SH3PXD2A: variants seen among roughly 807,000 people sequenced by gnomAD.
The protein encoded by SH3PXD2A is SH3 and PX domain-containing protein 2A.
In SH3PXD2A, 32 loss-of-function variants were observed where a neutral mutation model predicts 115.2. That is an observed-to-expected ratio of 0.28 (90% CI 0.21 to 0.37). SH3PXD2A has a LOEUF of 0.37. SH3PXD2A is among the 10% of genes least tolerant of loss of function. The pLI is 1.00. For synonymous variants in SH3PXD2A, 610 were observed against 629.1 expected (o/e 0.97, Z 0.45); for missense variants, 1,328 against 1,498.7 (o/e 0.89, Z 1.88).
chr10:103,602,891 C>G lies in SH3PXD2A; in HGVS notation c.2327G>C (p.Ser776Thr). Residue 776 changes from serine to threonine, a missense_variant, in exon 15 of 15, where the codon AGC (serine) becomes ACC (threonine). By Grantham distance (58) the Ser-to-Thr change is moderately conservative (BLOSUM62 1). This residue lies in a region of SH3PXD2A where 574 missense variants were observed against 565.7 expected (regional missense o/e 1.01). Transcript: ENST00000369774. ...GGGTCTCAGCTGGCGCCGTAAAGTG[C>G]TGATGTCCATCTTCTCTTGGCTCTG... ...ESQSQEKMDISTLRRQLRPTG... is the reference protein window; with the variant it reads ...ESQSQEKMDITTLRRQLRPTG... 6.2e-7 allele frequency: 1 copy of G among 1,614,044 alleles called. No individual in the cohort carries two copies.
At chr10:103,636,833 G>A (rs1564850556) in intron 8 of SH3PXD2A, among the ~76,000 whole-genome samples, 1 of 152,114 alleles carries the variant, frequency 6.6e-6, no homozygotes, top group Non-Finnish European at 1.5e-5. Context: ...TCCCAGCCCT[G>A]TTCAGCCCAG....
intron 8 of SH3PXD2A, among the ~76,000 whole-genome samples, chr10:103,645,328 C>T (rs1308229420): frequency 6.6e-6 from 1 of 152,212 alleles, no homozygotes. Context: ...GAATCCTGTG[C>T]GGTGACTCAG....
intron 8 of SH3PXD2A, among the ~76,000 whole-genome samples, chr10:103,657,154 T>C (rs1161779603): frequency 6.6e-6 from 1 of 152,000 alleles, no homozygotes; most frequent in Admixed American, 6.6e-5. Flanking sequence ...CATGGAAGTA[T>C]AAGAACTCCC....
At chr10:103,846,878 T>C (rs969210280) in intron 1 of SH3PXD2A, among the ~76,000 whole-genome samples, 2 of 152,216 alleles carry the variant, frequency 1.3e-5, no homozygotes, top group Non-Finnish European at 2.9e-5. Flanking sequence ...CCTCTCCACA[T>C]GCAGCTCATC....
chr10:103,765,874 T>A (rs1036599117), intron 3 of SH3PXD2A, among the ~76,000 whole-genome samples: 4 of 152,230 alleles, frequency 2.6e-5, no homozygotes, highest in Admixed American at 2.6e-4. Flanking sequence ...GGGCCAGGAA[T>A]GAAGGAGCAA....
At position 103,818,224 on chromosome 10, in the gene SH3PXD2A, G is replaced by GA. The variant is rs536065093; in HGVS notation, c.73-16863dup. ...GCCAATCAAGACCCACCACCTCCTA[G>GA]AAATCTCCCTGGGCTGCCTCAGCCC... On this transcript the variant is annotated intron_variant, in intron 1 of 14. Transcript: ENST00000369774. Among the ~76,000 whole-genome samples the GA allele has an allele frequency of 3.1e-3, 475 of 152,308 alleles. 4 individuals carry two copies. Among genetic ancestry groups the GA allele is most frequent in the Middle Eastern group, 0.01 (3 of 294 alleles).
intron 1 of SH3PXD2A, among the ~76,000 whole-genome samples, chr10:103,846,853 C>G (rs1024732146): frequency 6.6e-6 from 1 of 152,178 alleles, no homozygotes; most frequent in Non-Finnish European, 1.5e-5. Flanking sequence ...GCCAGCAGAC[C>G]TGGGTCAGTG....
chr10:103,805,954 C>G (rs139116540), intron 1 of SH3PXD2A, among the ~76,000 whole-genome samples: 10 of 152,372 alleles, frequency 6.6e-5, no homozygotes, highest in African/African-American at 2.4e-4. Flanking sequence ...GGAGAGCCAG[C>G]CAGAGGGAAG....
At chr10:103,855,127 A>T in intron 1 of SH3PXD2A, 68 bp downstream of exon 1, 1 of 1,200,308 alleles carries the variant, frequency 8.3e-7, no homozygotes, top group Non-Finnish European at 1.2e-6. Context: ...GGGAGGGGCA[A>T]GGGGCCATCC....
At chr10:103,691,466 G>A (rs1454110301) in intron 6 of SH3PXD2A, among the ~76,000 whole-genome samples, 2 of 152,132 alleles carry the variant, frequency 1.3e-5, no homozygotes, top group African/African-American at 4.8e-5. Flanking sequence ...AGCTTCCTGT[G>A]TGGGCGGTGA....
chr10:103,694,263 A>G (rs2037798030), intron 5 of SH3PXD2A, among the ~76,000 whole-genome samples: 1 of 125,642 alleles, frequency 8.0e-6, no homozygotes, highest in South Asian at 3.5e-4. Flanking sequence ...CTAGTCTGCC[A>G]CTGGAAAGGC....
intron 6 of SH3PXD2A, among the ~76,000 whole-genome samples, chr10:103,676,038 T>C (rs1417146852): frequency 1.3e-5 from 2 of 151,066 alleles, no homozygotes; most frequent in East Asian, 3.9e-4. Flanking sequence ...AAACTCCGTC[T>C]CGGGGGAAAA....
At chr10:103,750,373 G>A (rs917011038) in intron 3 of SH3PXD2A, among the ~76,000 whole-genome samples, 3 of 152,160 alleles carry the variant, frequency 2.0e-5, no homozygotes, top group African/African-American at 7.2e-5. Flanking sequence ...GTTTTAAGCT[G>A]CTAATTTTGG....
chr10:103,701,169 CA>C (rs2037894587), intron 5 of SH3PXD2A, among the ~76,000 whole-genome samples: 1 of 145,906 alleles, frequency 6.9e-6, no homozygotes, highest in Non-Finnish European at 1.5e-5. Flanking sequence ...TCCATCCATC[CA>C]TCCATCCACC....
chr10:103,612,812 G>T, intron 12 of SH3PXD2A, 41 bp downstream of exon 12: 2 of 1,417,046 alleles, frequency 1.4e-6, no homozygotes, highest in Non-Finnish European at 9.5e-7. Flanking sequence ...ATTCTCTAAG[G>T]AGCTTTGCAG....
chr10:103,693,223 C>CCGCG, intron 5 of SH3PXD2A, 167 bp from the exon 6 acceptor site: 1 of 169,386 alleles, frequency 5.9e-6, no homozygotes, highest in South Asian at 1.7e-4. Flanking sequence ...GCACTGCGCG[C>CCGCG]CGCGCCCGCC....
chr10:103,622,662 G>T, intron 9 of SH3PXD2A, 109 bp from the exon 10 acceptor site: 1 of 683,240 alleles, frequency 1.5e-6, no homozygotes. Context: ...AGGGAGGGGA[G>T]GCCCACACTT....
At chr10:103,696,407 A>C (rs1041063101) in intron 5 of SH3PXD2A, among the ~76,000 whole-genome samples, 2 of 152,108 alleles carry the variant, frequency 1.3e-5, no homozygotes, top group African/African-American at 4.8e-5. Context: ...CACCATGACC[A>C]CTTCCCACTG....
intron 2 of SH3PXD2A, among the ~76,000 whole-genome samples, chr10:103,775,862 G>A (rs1269177495): frequency 6.6e-6 from 1 of 152,144 alleles, no homozygotes; most frequent in Non-Finnish European, 1.5e-5. Flanking sequence ...GCTCAAGGAC[G>A]GCACTACATG....
Sources: gnomAD v4.1 joint callset for allele counts (sites outside exome capture counted in the v4.1 genomes callset) on GRCh38, gnomAD v4.1.1 for gene constraint, gnomAD v4.1.1 regional missense constraint, MANE v1.5 for transcripts, NCBI Gene and HGNC (gene_info 2026-07-23, HGNC 2026-07-21) for gene names.